Variants in GRIN2B observed in about 807,000 individuals in gnomAD.
The protein encoded by GRIN2B is glutamate receptor ionotropic, NMDA 2B.
A neutral mutation model predicts 114.5 loss-of-function variants in GRIN2B; 5 were observed. That is an observed-to-expected ratio of 0.04 (90% CI 0.02 to 0.09). The LOEUF (loss-of-function observed/expected upper bound fraction) is 0.09, where lower values mean the gene tolerates loss of function less well. Ranked by LOEUF, GRIN2B falls within the 10% of genes least tolerant of loss-of-function variation. The pLI is 1.00. For synonymous variants in GRIN2B, 787 were observed against 745.1 expected, an observed-to-expected ratio of 1.06 and a Z score of -0.92; for missense variants, 1,108 against 1,943.5, an observed-to-expected ratio of 0.57 and a Z score of 8.08.
chr12:13,772,374 C>T (rs1863922500), intron 3 of GRIN2B, among the ~76,000 whole-genome samples: 1 of 152,178 alleles, frequency 6.6e-6, no homozygotes, highest in African/African-American at 2.4e-5. Context: ...AGGAATGCCA[C>T]CAGCTTTTTG....
chr12:13,776,103 G>C (rs1473512601), intron 3 of GRIN2B, among the ~76,000 whole-genome samples: 1 of 152,152 alleles, frequency 6.6e-6, no homozygotes, highest in East Asian at 1.9e-4. Context: ...GCCATGAAAA[G>C]GAATGAGATC....
chr12:13,869,298 G>A (rs1350019603), intron 2 of GRIN2B, among the ~76,000 whole-genome samples: 2 of 143,878 alleles, frequency 1.4e-5, no homozygotes, highest in Non-Finnish European at 3.0e-5. Context: ...TATCCTTCAG[G>A]ACCATGGTCT....
intron 2 of GRIN2B, among the ~76,000 whole-genome samples, chr12:13,907,494 GAA>G (rs36064040): frequency 4.6e-5 from 6 of 129,984 alleles, no homozygotes; most frequent in Admixed American, 7.8e-5. Flanking sequence ...TCTGTCTCAG[GAA>G]AAAAAAAAAA....
intron 11 of GRIN2B, among the ~76,000 whole-genome samples, chr12:13,570,803 T>C (rs1212861734): frequency 6.6e-6 from 1 of 152,186 alleles, no homozygotes; most frequent in Non-Finnish European, 1.5e-5. Context: ...GATATAGCCT[T>C]ACAGGCAATA....
At chr12:13,859,928 C>T (rs1368063719) in intron 3 of GRIN2B, among the ~76,000 whole-genome samples, 1 of 152,192 alleles carries the variant, frequency 6.6e-6, no homozygotes, top group East Asian at 1.9e-4. Context: ...CAGTTTTCTC[C>T]CAAAGTATTC....
intron 4 of GRIN2B, among the ~76,000 whole-genome samples, chr12:13,688,159 C>T (rs950364165): frequency 2.0e-5 from 3 of 152,044 alleles, no homozygotes; most frequent in Non-Finnish European, 2.9e-5. Flanking sequence ...TTCCAATGCC[C>T]CACGCTAAGA....
At chr12:13,860,179 G>T (rs1865730150) in intron 3 of GRIN2B, among the ~76,000 whole-genome samples, 1 of 152,336 alleles carries the variant, frequency 6.6e-6, no homozygotes, top group South Asian at 2.1e-4. Context: ...GCAAGTGGGG[G>T]TAGAGGATAG....
intron 3 of GRIN2B, among the ~76,000 whole-genome samples, chr12:13,775,140 C>T (rs73053658): frequency 0.11 from 16,171 of 152,106 alleles, 1,067 homozygotes; most frequent in Non-Finnish European, 0.15. Flanking sequence ...GCTGTCCCTT[C>T]GGCAGATATC....
chr12:13,577,586 G>A (rs1256868467), intron 10 of GRIN2B, among the ~76,000 whole-genome samples: 1 of 152,132 alleles, frequency 6.6e-6, no homozygotes, highest in Non-Finnish European at 1.5e-5. Flanking sequence ...AGGGAAGTAC[G>A]GATCTGGTCC....
At chr12:13,642,895 C>T (rs1413117536) in intron 5 of GRIN2B, among the ~76,000 whole-genome samples, 3 of 152,116 alleles carry the variant, frequency 2.0e-5, no homozygotes, top group African/African-American at 4.8e-5. Flanking sequence ...GGTTTTGGGA[C>T]GTAGAGTTCT....
Position 13,650,016 on chromosome 12 carries a change from C to T in GRIN2B, c.1125+25729G>A, listed in dbSNP as rs180923034. On this transcript the variant is annotated intron_variant, in intron 5 of 13. Transcript: ENST00000609686. The stretch of plus-strand genomic sequence containing the variant: ...TGTTCACTGAGCAGCCACTATACAC[C>T]ATGCTGTGTGGTAGATGCCCTGCAC... Among the ~76,000 whole-genome samples, 361 of 152,124 alleles carry T rather than the reference C, an allele frequency of 2.4e-3. 1 individual carries two copies. The highest frequency in any genetic ancestry group is 6.8e-3 in the Middle Eastern group (2 of 294).
At chr12:13,761,119 C>A (rs556465796) in intron 3 of GRIN2B, among the ~76,000 whole-genome samples, 1 of 152,164 alleles carries the variant, frequency 6.6e-6, no homozygotes, top group African/African-American at 2.4e-5. Flanking sequence ...TTCTTTAAAC[C>A]CTTGCACACA....
chr12:13,607,851 T>C (rs904313504), intron 10 of GRIN2B, among the ~76,000 whole-genome samples: 1 of 152,130 alleles, frequency 6.6e-6, no homozygotes. Context: ...TCCATGAAAG[T>C]GTCTCCCATC....
chr12:13,776,655 C>A (rs771922553), intron 3 of GRIN2B, among the ~76,000 whole-genome samples: 8 of 151,960 alleles, frequency 5.3e-5, no homozygotes, highest in Non-Finnish European at 1.2e-4. Flanking sequence ...AAGATTAATA[C>A]TAAAGCAAGT....
intron 3 of GRIN2B, among the ~76,000 whole-genome samples, chr12:13,820,717 G>A (rs1321607284): frequency 6.6e-6 from 1 of 152,136 alleles, no homozygotes; most frequent in Non-Finnish European, 1.5e-5. Flanking sequence ...AAACCTGGTT[G>A]CTAAATGCTA....
chr12:13,770,014 T>C (rs1028669694), intron 3 of GRIN2B, among the ~76,000 whole-genome samples: 8 of 152,228 alleles, frequency 5.3e-5, no homozygotes, highest in Non-Finnish European at 1.0e-4. Context: ...CTTTATATGG[T>C]TCTTGGTTTC....
intron 2 of GRIN2B, among the ~76,000 whole-genome samples, chr12:13,890,012 T>C (rs1040885281): frequency 3.9e-5 from 6 of 152,182 alleles, no homozygotes; most frequent in African/African-American, 1.2e-4. Flanking sequence ...GGATCGAAAC[T>C]GTCTTCCTGC....
At chr12:13,672,755 A>G (rs1230078485) in intron 5 of GRIN2B, among the ~76,000 whole-genome samples, 2 of 152,162 alleles carry the variant, frequency 1.3e-5, no homozygotes, top group Non-Finnish European at 1.5e-5. Flanking sequence ...AATGCCCTAC[A>G]AAAAGATTAA....
intron 2 of GRIN2B, among the ~76,000 whole-genome samples, chr12:13,870,185 G>A (rs1266356345): frequency 6.6e-6 from 1 of 152,124 alleles, no homozygotes; most frequent in African/African-American, 2.4e-5. Context: ...ATGGCCTCGG[G>A]GTAGCAGCGA....
Sources: allele counts gnomAD v4.1 joint callset (sites outside exome capture counted in the v4.1 genomes callset), GRCh38; gene constraint gnomAD v4.1.1; transcripts MANE v1.5; gene names NCBI Gene and HGNC (gene_info 2026-07-23, HGNC 2026-07-21).